Variants in RBFOX1 observed in about 807,000 individuals in gnomAD.
The protein encoded by RBFOX1 is RNA binding fox-1 homolog 1.
Under a neutral mutation model 57.7 loss-of-function variants are expected in RBFOX1, and 8 were observed. The ratio of observed to expected loss-of-function variants is 0.14; its 90% CI spans 0.08 to 0.25. The LOEUF is 0.25. RBFOX1 is among the 10% of genes least tolerant of loss of function. The pLI is 1.00. For missense variants in RBFOX1, 611 were observed against 548.5 expected (o/e 1.11, Z -1.14); for synonymous variants, 326 against 222.4 (o/e 1.47, Z -4.15).
chr16:5,651,258 G>T (rs2049230759), intron 3 of RBFOX1, among the ~76,000 whole-genome samples: 2 of 151,920 alleles, frequency 1.3e-5, no homozygotes, highest in Non-Finnish European at 2.9e-5. Context: ...TCACTATGTT[G>T]ACCAGGCTGG....
intron 4 of RBFOX1, among the ~76,000 whole-genome samples, chr16:7,502,228 C>T (rs540350509): frequency 2.6e-4 from 40 of 152,286 alleles, no homozygotes; most frequent in African/African-American, 9.6e-4. Context: ...GAGGCGAATG[C>T]AAGCCAACCG....
intron 1 of RBFOX1, among the ~76,000 whole-genome samples, chr16:6,288,885 C>G (rs1344470): frequency 6.6e-6 from 1 of 152,008 alleles, no homozygotes; most frequent in Non-Finnish European, 1.5e-5. Context: ...GTGGAACCAA[C>G]AGCGAATTCT....
chr16:6,834,922 T>C, intron 3 of RBFOX1, among the ~76,000 whole-genome samples: 1 of 146,212 alleles, frequency 6.8e-6, no homozygotes, highest in Admixed American at 7.0e-5. Context: ...AGATGGTGTC[T>C]CGCTCTGTTG....
intron 15 of RBFOX1, chr16:7,709,455 TTTC>T: frequency 7.1e-7 from 1 of 1,418,164 alleles, no homozygotes; most frequent in Non-Finnish European, 9.3e-7. Context: ...AACTTTTTTT[TTTC>T]TTTTTTTTTC....
At chr16:6,686,334 C>T (rs1310307943) in intron 3 of RBFOX1, among the ~76,000 whole-genome samples, 3 of 152,146 alleles carry the variant, frequency 2.0e-5, no homozygotes, top group African/African-American at 4.8e-5. Flanking sequence ...TCTGAGCCCT[C>T]GCCCCTCCTC....
intron 1 of RBFOX1, among the ~76,000 whole-genome samples, chr16:6,133,515 G>A (rs1211705681): frequency 1.3e-5 from 2 of 152,170 alleles, no homozygotes; most frequent in Non-Finnish European, 2.9e-5. Context: ...ACCCTGCCTT[G>A]ATTCCTGCGA....
At chr16:5,708,988 C>T (rs371890112) in intron 3 of RBFOX1, among the ~76,000 whole-genome samples, 2 of 152,196 alleles carry the variant, frequency 1.3e-5, no homozygotes, top group African/African-American at 4.8e-5. Flanking sequence ...GTGTTAGCAT[C>T]TCTTGTTTAA....
chr16:5,916,009 G>A (rs1368907070), intron 4 of RBFOX1, among the ~76,000 whole-genome samples: 1 of 152,126 alleles, frequency 6.6e-6, no homozygotes, highest in Non-Finnish European at 1.5e-5. Context: ...TATTTCTCCA[G>A]CCTTCACAGC....
At chr16:7,646,647 G>T (rs2063794236) in intron 11 of RBFOX1, among the ~76,000 whole-genome samples, 1 of 152,156 alleles carries the variant, frequency 6.6e-6, no homozygotes, top group South Asian at 2.1e-4. Flanking sequence ...AAGAATAATT[G>T]CCCATTAAAG....
intron 4 of RBFOX1, among the ~76,000 whole-genome samples, chr16:7,253,231 A>T (rs1042403157): frequency 1.1e-4 from 16 of 152,208 alleles, no homozygotes; most frequent in African/African-American, 3.9e-4. Context: ...TAGTGGCTTC[A>T]CCATTCACAG....
intron 1 of RBFOX1, among the ~76,000 whole-genome samples, chr16:6,312,876 C>T (rs139168071): frequency 3.3e-5 from 5 of 152,264 alleles, no homozygotes; most frequent in African/African-American, 4.8e-5. Context: ...ACCCACACAG[C>T]TCCTGCCCTC....
chr16:5,893,453 G>C (rs189506862), intron 4 of RBFOX1, among the ~76,000 whole-genome samples: 10 of 152,312 alleles, frequency 6.6e-5, no homozygotes, highest in Middle Eastern at 3.4e-3. Context: ...ATAAATGCTT[G>C]AGGTAATGGA....
At chr16:5,652,278 G>A (rs1466575867) in intron 3 of RBFOX1, among the ~76,000 whole-genome samples, 1 of 152,160 alleles carries the variant, frequency 6.6e-6, no homozygotes, top group Non-Finnish European at 1.5e-5. Context: ...TTATAGGGTA[G>A]CTGCTATCAT....
chr16:6,790,514 A>G (rs1411705253), intron 3 of RBFOX1, among the ~76,000 whole-genome samples: 1 of 152,066 alleles, frequency 6.6e-6, no homozygotes, highest in Non-Finnish European at 1.5e-5. Flanking sequence ...TTTTGTTTGC[A>G]TCATAGTTTG....
intron 2 of RBFOX1, among the ~76,000 whole-genome samples, chr16:5,558,382 C>T (rs1217127759): frequency 6.6e-6 from 1 of 152,092 alleles, no homozygotes; most frequent in African/African-American, 2.4e-5. Context: ...ATGTCCTCAC[C>T]ACCTACCCAT....
intron 4 of RBFOX1, among the ~76,000 whole-genome samples, chr16:7,409,220 G>T: frequency 6.6e-6 from 1 of 152,180 alleles, no homozygotes; most frequent in Non-Finnish European, 1.5e-5. Context: ...GAATCTCTCT[G>T]ATGTGGTCTT....
chr16:7,497,054 T>C (rs1042006913), intron 4 of RBFOX1, among the ~76,000 whole-genome samples: 1 of 152,114 alleles, frequency 6.6e-6, no homozygotes, highest in Non-Finnish European at 1.5e-5. Context: ...CCTTTTCCTG[T>C]CTCCAGCCTA....
intron 1 of RBFOX1, among the ~76,000 whole-genome samples, chr16:5,314,954 A>G (rs539130987): frequency 6.6e-6 from 1 of 152,334 alleles, no homozygotes; most frequent in South Asian, 2.1e-4. Context: ...AGGAGCCCAC[A>G]AAAGTGAAAG....
At chr16:7,258,294 C>T (rs1377728660) in intron 4 of RBFOX1, among the ~76,000 whole-genome samples, 1 of 152,044 alleles carries the variant, frequency 6.6e-6, no homozygotes, top group Non-Finnish European at 1.5e-5. Context: ...ATTTATTCAG[C>T]CTCCGTATTT....
Sources: allele counts gnomAD v4.1 joint callset (sites outside exome capture counted in the v4.1 genomes callset), GRCh38; gene constraint gnomAD v4.1.1; transcripts MANE v1.5; gene names NCBI Gene and HGNC (gene_info 2026-07-23, HGNC 2026-07-21).